Variants in TBXAS1 observed in about 807,000 individuals in gnomAD.
The protein encoded by TBXAS1 is thromboxane A synthase 1.
TBXAS1 carries 48 observed loss-of-function variants against 60.7 expected under a neutral mutation model. That is an observed-to-expected ratio of 0.79 (90% confidence interval 0.63 to 1.01). The LOEUF (loss-of-function observed/expected upper bound fraction) is 1.01, where lower values mean the gene tolerates loss of function less well. TBXAS1 is among the 50% of genes least tolerant of loss of function. The pLI is 0.00. For missense variants in TBXAS1, 685 were observed against 686.3 expected (o/e 1.00, Z 0.02); for synonymous variants, 287 against 269.7 (o/e 1.06, Z -0.63).
At chr7:139,883,478 A>G (rs1413335096) in intron 3 of TBXAS1, among the ~76,000 whole-genome samples, 1 of 152,186 alleles carries the variant, frequency 6.6e-6, no homozygotes, top group Non-Finnish European at 1.5e-5. Flanking sequence ...TGCATATTTT[A>G]ATGACTACTG....
chr7:139,859,072 T>A (rs1800783082), intron 1 of TBXAS1, among the ~76,000 whole-genome samples: 1 of 152,084 alleles, frequency 6.6e-6, no homozygotes, highest in Non-Finnish European at 1.5e-5. Context: ...GTGGAGTTTC[T>A]CCATGTTGGT....
intron 3 of TBXAS1, among the ~76,000 whole-genome samples, chr7:139,884,513 G>C (rs1016949123): frequency 1.3e-5 from 2 of 152,204 alleles, no homozygotes; most frequent in African/African-American, 2.4e-5. Context: ...CCCATTTGCC[G>C]GGGTAAGCTA....
At chr7:139,871,680 T>A (rs930159072) in intron 1 of TBXAS1, among the ~76,000 whole-genome samples, 1 of 152,168 alleles carries the variant, frequency 6.6e-6, no homozygotes, top group African/African-American at 2.4e-5. Flanking sequence ...TGTAAGCATT[T>A]GGTGATAGGT....
At chr7:139,894,040 G>A (rs551424363) in intron 3 of TBXAS1, among the ~76,000 whole-genome samples, 1 of 152,278 alleles carries the variant, frequency 6.6e-6, no homozygotes, top group Non-Finnish European at 1.5e-5. Flanking sequence ...TGAGGGCCAG[G>A]GGGGAGGCTA....
intron 9 of TBXAS1, among the ~76,000 whole-genome samples, chr7:140,000,858 C>A (rs909940132): frequency 6.6e-6 from 1 of 152,214 alleles, no homozygotes; most frequent in Non-Finnish European, 1.5e-5. Flanking sequence ...TTGAAATAAG[C>A]TTTCCCGCCA....
chr7:139,802,250 A>T (rs1797740538), intron 4 of TBXAS1, among the ~76,000 whole-genome samples: 1 of 152,176 alleles, frequency 6.6e-6, no homozygotes, highest in Non-Finnish European at 1.5e-5. Flanking sequence ...TAAAATATTC[A>T]ATTTTAACAC....
At chr7:139,843,029 G>A (rs1458099564) in intron 1 of TBXAS1, among the ~76,000 whole-genome samples, 8 of 152,160 alleles carry the variant, frequency 5.3e-5, no homozygotes, top group Middle Eastern at 3.2e-3. Context: ...GCCATACCCC[G>A]AAACCAGCAG....
At chr7:139,833,907 C>T (rs534991995) in intron 1 of TBXAS1, among the ~76,000 whole-genome samples, 4 of 152,078 alleles carry the variant, frequency 2.6e-5, no homozygotes, top group South Asian at 2.1e-4. Flanking sequence ...GTTAGCAAGA[C>T]AGAAAGTCAG....
At chr7:139,952,006 G>GAAAGAAAT (rs1809442267) in intron 5 of TBXAS1, among the ~76,000 whole-genome samples, 1 of 147,832 alleles carries the variant, frequency 6.8e-6, no homozygotes, top group Non-Finnish European at 1.5e-5. Context: ...AAGAAAGAAA[G>GAAAGAAAT]AAAGAAAAAG....
Position 139,794,330 on chromosome 7 carries a change from C to T in TBXAS1, c.-80+6904C>T, listed in dbSNP as rs1422434544. Among the ~76,000 whole-genome samples, 11 of 152,068 alleles carry T rather than the reference C, an allele frequency of 7.2e-5. No individual in the cohort carries two copies. In the East Asian group the frequency reaches 1.9e-3, roughly 27 times the overall value. On this transcript the variant is annotated intron_variant, in intron 4 of 16. Transcript: ENST00000336425. ...GGCCAGGCTGGTCTCAAACTCCTGA[C>T]CTCAAGCAATCCATCTACCTTGGCC... is the stretch of plus-strand genomic sequence containing the variant.
chr7:139,895,007 C>T (rs1394350025), intron 3 of TBXAS1, among the ~76,000 whole-genome samples: 1 of 152,112 alleles, frequency 6.6e-6, no homozygotes. Context: ...CTGACTTCTA[C>T]AAGAGAAGGA....
chr7:139,797,983 T>C (rs888113359), intron 4 of TBXAS1, among the ~76,000 whole-genome samples: 1 of 152,250 alleles, frequency 6.6e-6, no homozygotes. Context: ...GCATTCAAAG[T>C]GCTTAGCCTG....
intron 4 of TBXAS1, among the ~76,000 whole-genome samples, chr7:139,807,768 T>TC (rs1453487731): frequency 1.3e-5 from 2 of 152,128 alleles, no homozygotes; most frequent in African/African-American, 2.4e-5. Flanking sequence ...TCCTCGTGCC[T>TC]AAACCTCCCA....
chr7:139,957,696 C>T lies in TBXAS1; in HGVS notation c.751C>T (p.Leu251=), dbSNP rs929238562. ...TTTGCCCAATAAGAACCGAGACGAA[C>T]TGAATGGCTTTTTTAACAAACTCAT... ...RILPNKNRDE[L]NGFFNKLIRN... The change falls in exon 8 of 13, where the codon CTG becomes TTG. Residue 251 remains leucine (L), a synonymous_variant. Coordinates refer to ENST00000448866, the MANE Select transcript of TBXAS1 (RefSeq NM_001061.7). 6.2e-7 allele frequency: 1 copy of T among 1,614,128 alleles called. No individual in the cohort carries two copies. Among genetic ancestry groups the T allele is most frequent in the Non-Finnish European group, 8.5e-7 (1 of 1,180,028 alleles).
intron 5 of TBXAS1, among the ~76,000 whole-genome samples, chr7:139,945,566 G>A (rs568922359): frequency 6.6e-6 from 1 of 152,170 alleles, no homozygotes; most frequent in East Asian, 1.9e-4. Context: ...AACAGAATGG[G>A]GTGTGCTATG....
chr7:139,952,464 A>C, intron 5 of TBXAS1: 1 of 1,413,136 alleles, frequency 7.1e-7, no homozygotes, highest in Non-Finnish European at 9.4e-7. Context: ...AGAAATGCTC[A>C]GAATGATGTA....
intron 3 of TBXAS1, among the ~76,000 whole-genome samples, chr7:139,783,945 C>T (rs754453660): frequency 7.2e-5 from 11 of 151,798 alleles, no homozygotes; most frequent in Non-Finnish European, 1.5e-4. Context: ...TGTTAATCAC[C>T]TCACTCTTCT....
chr7:139,887,916 C>A (rs1803246049), intron 3 of TBXAS1, among the ~76,000 whole-genome samples: 4 of 152,180 alleles, frequency 2.6e-5, no homozygotes, highest in Non-Finnish European at 5.9e-5. Context: ...TTGTTGTCCC[C>A]TTTTCACCAC....
At chr7:139,964,387 C>T (rs550531347) in intron 9 of TBXAS1, among the ~76,000 whole-genome samples, 4 of 152,258 alleles carry the variant, frequency 2.6e-5, no homozygotes, top group African/African-American at 7.2e-5. Context: ...GATTGGCCTG[C>T]TGCCCATTCT....
Sources: allele counts gnomAD v4.1 joint callset (sites outside exome capture counted in the v4.1 genomes callset), GRCh38; gene constraint gnomAD v4.1.1; transcripts MANE v1.5; gene names NCBI Gene and HGNC (gene_info 2026-07-23, HGNC 2026-07-21).